ADGRB3: variants seen among roughly 807,000 people sequenced by gnomAD.
ADGRB3 encodes adhesion G protein-coupled receptor B3.
In ADGRB3, 37 loss-of-function variants were observed where a neutral mutation model predicts 193.4. The observed-to-expected ratio is 0.19, with a 90% CI of 0.15 to 0.25. ADGRB3 has a LOEUF of 0.25. Among genes scored for constraint, ADGRB3 ranks in the 10% least tolerant of loss-of-function variants. The probability of loss-of-function intolerance (pLI) is 1.00; values close to 1 mark genes in which losing one functional copy is unlikely to be tolerated. For synonymous variants in ADGRB3, 690 were observed against 644.2 expected (o/e 1.07, Z -1.08); for missense variants, 1,637 against 1,852.9 (o/e 0.88, Z 2.14).
chr6:69,052,546 TAA>T (rs1272607125), intron 15 of ADGRB3, among the ~76,000 whole-genome samples: 3 of 152,202 alleles, frequency 2.0e-5, no homozygotes, highest in Non-Finnish European at 4.4e-5. Context: ...TTTGGTATAA[TAA>T]TTTTCATAAT....
intron 17 of ADGRB3, among the ~76,000 whole-genome samples, chr6:69,223,045 T>C (rs928638057): frequency 2.0e-5 from 3 of 152,142 alleles, no homozygotes; most frequent in Non-Finnish European, 4.4e-5. Flanking sequence ...CCCATCTCTA[T>C]TTTCTCTCTA....
rs1032862947 is a variant in ADGRB3, at chr6:69,183,631, G to T, written c.2481-49659G>T. ...CCAGATTATTGATTTCATTTTTTTT[G>T]AATCTTCAGTGAAGAACAAACTTAA... On this transcript the variant is annotated intron_variant, in intron 17 of 31. Transcript: ENST00000370598. Among the ~76,000 whole-genome samples, 70 of 151,720 alleles carry T rather than the reference G, an allele frequency of 4.6e-4. 1 individual carries two copies. Among genetic ancestry groups the T allele is most frequent in the Non-Finnish European group, 3.8e-4 (26 of 67,852 alleles).
intron 20 of ADGRB3, among the ~76,000 whole-genome samples, chr6:69,280,721 C>T (rs1378355391): frequency 6.6e-6 from 1 of 152,074 alleles, no homozygotes; most frequent in Non-Finnish European, 1.5e-5. Flanking sequence ...TCCAAAACCT[C>T]AGCACAATGC....
At chr6:69,157,057 A>G (rs1774861188) in intron 17 of ADGRB3, among the ~76,000 whole-genome samples, 1 of 152,116 alleles carries the variant, frequency 6.6e-6, no homozygotes, top group Non-Finnish European at 1.5e-5. Context: ...GGACGCAAAC[A>G]CCCTGATTTT....
chr6:69,050,985 C>T (rs952156786), intron 15 of ADGRB3, among the ~76,000 whole-genome samples: 5 of 152,116 alleles, frequency 3.3e-5, no homozygotes, highest in Non-Finnish European at 7.4e-5. Context: ...CACTCACCTA[C>T]ACAAATGAAG....
At chr6:69,241,460 A>G (rs1226064437) in intron 20 of ADGRB3, among the ~76,000 whole-genome samples, 1 of 151,908 alleles carries the variant, frequency 6.6e-6, no homozygotes, top group Non-Finnish European at 1.5e-5. Flanking sequence ...TCAAATGTCC[A>G]ATGGCTACAT....
At chr6:69,177,099 A>G (rs973204941) in intron 17 of ADGRB3, among the ~76,000 whole-genome samples, 1 of 151,938 alleles carries the variant, frequency 6.6e-6, no homozygotes, top group Non-Finnish European at 1.5e-5. Flanking sequence ...GATTTGTTGT[A>G]TAGATTTTTG....
rs538815350 is a variant in ADGRB3, at chr6:68,654,036, T to G, written c.757+14604T>G. Among the ~76,000 whole-genome samples the G allele has an allele frequency of 5.3e-5, 8 of 152,166 alleles. No individual in the cohort carries two copies. In the South Asian group the frequency reaches 1.2e-3, roughly 24 times the overall value. ...ACGGAATCTGTTATTAATATACATGTAAGTGTTTGGTAAACAAATATTTCT... is the reference window on the plus strand; with the variant it reads ...ACGGAATCTGTTATTAATATACATGGAAGTGTTTGGTAAACAAATATTTCT... On this transcript the variant is annotated intron_variant, in intron 3 of 31. Transcript: ENST00000370598.
intron 18 of ADGRB3, among the ~76,000 whole-genome samples, 187 bp from the exon 19 acceptor site, chr6:69,234,845 G>A (rs1465777427): frequency 1.3e-5 from 2 of 152,002 alleles, no homozygotes; most frequent in East Asian, 3.9e-4. Context: ...GGAGAGAGGG[G>A]GAAGCTGCAA....
At position 68,766,990 on chromosome 6, in the gene ADGRB3, C is replaced by T. The variant is rs114335670; in HGVS notation, c.757+127558C>T. On this transcript the variant is annotated intron_variant, in intron 3 of 31. Transcript: ENST00000370598. Reference sequence around the variant, plus strand: ...TTTTGGAATTGCATATACATTTTGACTAGTCATGGTCGTATTTTCTCATGT... The same window carrying T: ...TTTTGGAATTGCATATACATTTTGATTAGTCATGGTCGTATTTTCTCATGT... 2.6e-3 allele frequency among the ~76,000 whole-genome samples: 391 copies of T among 152,088 alleles called. 1 individual carries two copies. The highest frequency in any genetic ancestry group is 9.0e-3 in the African/African-American group (372 of 41,538).
intron 17 of ADGRB3, among the ~76,000 whole-genome samples, chr6:69,204,095 C>T (rs1486675196): frequency 1.3e-5 from 2 of 151,368 alleles, no homozygotes; most frequent in East Asian, 3.9e-4. Flanking sequence ...CAGTGATGCA[C>T]TAAGAATAAG....
chr6:68,705,752 A>C (rs150876427), intron 3 of ADGRB3, among the ~76,000 whole-genome samples: 1,641 of 152,336 alleles, frequency 0.011, 11 homozygotes, highest in Non-Finnish European at 0.017. Context: ...GATTTTATTT[A>C]GGAGCTACTG....
chr6:69,256,811 G>T (rs927863042), intron 20 of ADGRB3, among the ~76,000 whole-genome samples: 3 of 152,152 alleles, frequency 2.0e-5, no homozygotes, highest in African/African-American at 4.8e-5. Flanking sequence ...TCCAGTTTTT[G>T]CCCATTCTGT....
intron 3 of ADGRB3, among the ~76,000 whole-genome samples, chr6:68,701,342 C>T (rs1765239560): frequency 6.6e-6 from 1 of 152,112 alleles, no homozygotes; most frequent in Admixed American, 6.6e-5. Context: ...ACAAGCATGA[C>T]TCACTGTTAG....
At chr6:69,339,183 A>G in intron 25 of ADGRB3, 150 bp from the exon 26 acceptor site, 1 of 1,143,916 alleles carries the variant, frequency 8.7e-7, no homozygotes, top group Non-Finnish European at 1.2e-6. Flanking sequence ...ATATAAAAAA[A>G]AAAATAAGAC....
intron 3 of ADGRB3, among the ~76,000 whole-genome samples, chr6:68,656,726 C>T (rs1172793763): frequency 6.6e-6 from 1 of 151,414 alleles, no homozygotes; most frequent in East Asian, 1.9e-4. Flanking sequence ...CTTTCTATAT[C>T]ACTGGAAGCA....
intron 17 of ADGRB3, among the ~76,000 whole-genome samples, chr6:69,077,276 G>A (rs186949680): frequency 6.6e-6 from 1 of 152,010 alleles, no homozygotes; most frequent in Admixed American, 6.6e-5. Flanking sequence ...GAAGAATTTG[G>A]TGGTATAATC....
At chr6:69,224,035 A>G (rs1229665805) in intron 17 of ADGRB3, among the ~76,000 whole-genome samples, 6 of 152,080 alleles carry the variant, frequency 3.9e-5, no homozygotes, top group Admixed American at 3.9e-4. Flanking sequence ...ATGGAGAAGT[A>G]TAAAAATATA....
chr6:69,001,861 C>T (rs141504562), intron 11 of ADGRB3, among the ~76,000 whole-genome samples: 18 of 152,292 alleles, frequency 1.2e-4, no homozygotes, highest in African/African-American at 3.8e-4. Flanking sequence ...TGCTGTAAAA[C>T]ACACAGTTAC....
Sources: gnomAD v4.1 joint callset for allele counts (sites outside exome capture counted in the v4.1 genomes callset) on GRCh38, gnomAD v4.1.1 for gene constraint, MANE v1.5 for transcripts, NCBI Gene and HGNC (gene_info 2026-07-23, HGNC 2026-07-21) for gene names.